Variants in ANTXR2 observed in about 807,000 individuals in gnomAD.
The protein encoded by ANTXR2 is ANTXR cell adhesion molecule 2, also known as anthrax toxin receptor 2.
A neutral mutation model predicts 73.7 loss-of-function variants in ANTXR2; 44 were observed. That is an observed-to-expected ratio of 0.60 (90% confidence interval 0.47 to 0.77). The LOEUF (loss-of-function observed/expected upper bound fraction) is 0.77, where lower values mean the gene tolerates loss of function less well. Among genes scored for constraint, ANTXR2 ranks in the 30% least tolerant of loss-of-function variants. The pLI is 0.00. For synonymous variants in ANTXR2, 217 were observed against 205.9 expected (o/e 1.05, Z -0.46); for missense variants, 604 against 592.5 (o/e 1.02, Z -0.20).
At chr4:80,005,361 C>G (rs539126271) in intron 12 of ANTXR2, among the ~76,000 whole-genome samples, 1 of 152,054 alleles carries the variant, frequency 6.6e-6, no homozygotes, top group African/African-American at 2.4e-5. Context: ...CAACACCACG[C>G]TGATAAATAG....
At chr4:80,068,647 C>T (rs1734629998) in intron 3 of ANTXR2, among the ~76,000 whole-genome samples, 1 of 152,122 alleles carries the variant, frequency 6.6e-6, no homozygotes, top group Non-Finnish European at 1.5e-5. Context: ...TGGCATGTGC[C>T]TATAATCCCA....
chr4:79,945,737 C>T (rs1293867823), intron 16 of ANTXR2, among the ~76,000 whole-genome samples: 1 of 152,106 alleles, frequency 6.6e-6, no homozygotes, highest in East Asian at 1.9e-4. Context: ...AGGAGCCCCA[C>T]AGAGTCAGAA....
At chr4:80,053,625 G>A (rs1165046059) in intron 7 of ANTXR2, among the ~76,000 whole-genome samples, 1 of 151,512 alleles carries the variant, frequency 6.6e-6, no homozygotes, top group Non-Finnish European at 1.5e-5. Flanking sequence ...ACTGTTCCCA[G>A]TGCTTGTAGC....
At chr4:80,067,333 G>A (rs892640461) in intron 3 of ANTXR2, among the ~76,000 whole-genome samples, 10 of 152,158 alleles carry the variant, frequency 6.6e-5, no homozygotes, top group East Asian at 3.9e-4. Context: ...CCTTCCATGC[G>A]TATCTAAGCA....
rs903389386 is a variant in ANTXR2 at position 79,904,447 on chromosome 4, T to A, written c.*2982A>T. The A allele has an allele frequency of 1.3e-5, 2 of 152,084 alleles. No individual in the cohort carries two copies. The highest frequency in any genetic ancestry group is 4.8e-5 in the African/African-American group (2 of 41,420). The allele number at this position is 152,084 out of a possible 1,614,324, so 9.4% of individuals were successfully genotyped here. On this transcript the variant is annotated 3_prime_UTR_variant, in exon 17 of 17. Transcript: ENST00000403729. ...CATCTCATTGGGAAGGAAATATAAA[T>A]TTTTAAAATAGAATTAACTTAGGGA...
Position 80,018,937 on chromosome 4 carries a change from A to C in ANTXR2, c.906T>G (p.Ser302=), listed in dbSNP as rs1047110674. The change falls in exon 11 of 17, where the codon TCT becomes TCG. Residue 302 remains serine (S), a synonymous_variant. Coordinates refer to ENST00000403729, the MANE Select transcript of ANTXR2 (RefSeq NM_058172.6). Reference sequence around the variant, plus strand: ...TGACAATTAATGATCCTGAAATGACAGATTTTCCTCCATTAAAGCTCACTG... The same window carrying C: ...TGACAATTAATGATCCTGAAATGACCGATTTTCCTCCATTAAAGCTCACTG... ...DVSVSFNGGK[S]VISGSLIVTA... 6.6e-7 allele frequency: 1 copy of C among 1,519,232 alleles called. No homozygotes were observed. The highest frequency in any genetic ancestry group is 8.8e-7 in the Non-Finnish European group (1 of 1,136,396). 94.1% of individuals were successfully genotyped at this position (1,519,232 alleles called of 1,614,324 possible).
chr4:80,008,518 C>T lies in ANTXR2; in HGVS notation c.1041+3G>A. 6.2e-7 allele frequency: 1 copy of T among 1,602,260 alleles called. No individual in the cohort carries two copies. Among genetic ancestry groups the T allele is most frequent in the Non-Finnish European group, 8.5e-7 (1 of 1,172,344 alleles). ...AGTAGAGTTGTAAATCCTTCTTACT[C>T]ACCACTTTGCAGCAAAGGGGCCAAA... On this transcript the variant is annotated splice_donor_region_variant and intron_variant, in intron 12 of 16. Coordinates refer to ENST00000403729, the MANE Select transcript of ANTXR2 (RefSeq NM_058172.6).
chr4:79,929,983 A>G (rs1233190576), intron 16 of ANTXR2, among the ~76,000 whole-genome samples: 1 of 152,206 alleles, frequency 6.6e-6, no homozygotes, highest in African/African-American at 2.4e-5. Flanking sequence ...GAATTTATAG[A>G]TGAGGAAACT....
At chr4:79,947,097 C>T (rs1008721233) in intron 16 of ANTXR2, among the ~76,000 whole-genome samples, 3 of 152,078 alleles carry the variant, frequency 2.0e-5, no homozygotes, top group Admixed American at 6.6e-5. Context: ...CTCAGTCAGA[C>T]GAAGCTGTTT....
chr4:79,948,143 CT>C (rs1728580379), intron 16 of ANTXR2, among the ~76,000 whole-genome samples: 1 of 152,110 alleles, frequency 6.6e-6, no homozygotes, highest in Non-Finnish European at 1.5e-5. Context: ...TCAAAGGCAT[CT>C]GTTATATATT....
At chr4:79,986,526 C>T (rs548313491) in intron 12 of ANTXR2, among the ~76,000 whole-genome samples, 1 of 152,172 alleles carries the variant, frequency 6.6e-6, no homozygotes, top group South Asian at 2.1e-4. Context: ...ATAATTTGGG[C>T]GTTGGGACTT....
At chr4:79,950,141 C>G (rs1728651107) in intron 16 of ANTXR2, among the ~76,000 whole-genome samples, 1 of 152,130 alleles carries the variant, frequency 6.6e-6, no homozygotes, top group Admixed American at 6.6e-5. Flanking sequence ...CCTAAAACCA[C>G]TGAATCATCA....
intron 3 of ANTXR2, among the ~76,000 whole-genome samples, chr4:80,056,708 C>T (rs1315983685): frequency 6.6e-6 from 1 of 151,800 alleles, no homozygotes; most frequent in Non-Finnish European, 1.5e-5. Flanking sequence ...GGAAGAGACA[C>T]TATGAATGAA....
At chr4:80,054,233 AAGGTTATG>A (rs776545001) in intron 7 of ANTXR2, 31 bp downstream of exon 7, 5 of 1,467,104 alleles carry the variant, frequency 3.4e-6, no homozygotes, top group Non-Finnish European at 4.7e-6. Context: ...AAAAATATAC[AAGGTTATG>A]AGCCCTTCCT....
At chr4:79,987,220 C>A (rs1194253999) in intron 12 of ANTXR2, among the ~76,000 whole-genome samples, 3 of 150,626 alleles carry the variant, frequency 2.0e-5, no homozygotes, top group Non-Finnish European at 4.4e-5. Context: ...GAAACCCAAT[C>A]CAAGGAAACT....
At chr4:80,068,994 T>G (rs1478746272) in intron 3 of ANTXR2, among the ~76,000 whole-genome samples, 1 of 152,166 alleles carries the variant, frequency 6.6e-6, no homozygotes, top group Admixed American at 6.5e-5. Flanking sequence ...GTGAATATAT[T>G]CAGCATTAAT....
intron 16 of ANTXR2, among the ~76,000 whole-genome samples, chr4:79,935,926 T>C (rs530213888): frequency 3.3e-5 from 5 of 152,200 alleles, no homozygotes; most frequent in Admixed American, 1.3e-4. Flanking sequence ...ACACTTAGGC[T>C]AATGTACTCT....
At chr4:79,996,979 GTTA>G (rs1281539664) in intron 12 of ANTXR2, among the ~76,000 whole-genome samples, 1 of 148,988 alleles carries the variant, frequency 6.7e-6, no homozygotes. Context: ...TTTTTCATTT[GTTA>G]TTATCATCAT....
At chr4:79,991,192 A>C (rs1412070880) in intron 12 of ANTXR2, among the ~76,000 whole-genome samples, 1 of 152,140 alleles carries the variant, frequency 6.6e-6, no homozygotes, top group Non-Finnish European at 1.5e-5. Flanking sequence ...AAATATTTGC[A>C]ACCTATGCAT....
Sources: gnomAD v4.1 joint callset for allele counts (sites outside exome capture counted in the v4.1 genomes callset) on GRCh38, gnomAD v4.1.1 for gene constraint, MANE v1.5 for transcripts, NCBI Gene and HGNC (gene_info 2026-07-23, HGNC 2026-07-21) for gene names.